Variants in TENM4 observed in about 807,000 individuals in gnomAD.
The protein encoded by TENM4 is teneurin-4.
Under a neutral mutation model 243.3 loss-of-function variants are expected in TENM4, and 82 were observed. The ratio of observed to expected loss-of-function variants is 0.34; its 90% confidence interval spans 0.28 to 0.40. TENM4 has a LOEUF of 0.40. TENM4 is among the 10% of genes least tolerant of loss of function. The pLI is 1.00. For synonymous variants in TENM4, 1,412 were observed against 1,456.3 expected, an observed-to-expected ratio of 0.97 and a Z score of 0.69; for missense variants, 3,138 against 3,673.3, an observed-to-expected ratio of 0.85 and a Z score of 3.77.
chr11:79,066,422 T>G lies in TENM4; in HGVS notation c.224-1415A>C, dbSNP rs187741829. Among the ~76,000 whole-genome samples the G allele has an allele frequency of 2.0e-5, 3 of 152,086 alleles. No individual in the cohort carries two copies. In the East Asian group the frequency reaches 5.8e-4, roughly 30 times the overall value. On this transcript the variant is annotated intron_variant, in intron 5 of 33. Transcript: ENST00000278550. Reference sequence around the variant, plus strand: ...CGAGCCAGCAGAGACGCCATCTTATTATAATGGTGTGTCTCACTCTTACAG... The same window carrying G: ...CGAGCCAGCAGAGACGCCATCTTATGATAATGGTGTGTCTCACTCTTACAG...
At chr11:79,169,992 G>A (rs1472193915) in intron 3 of TENM4, among the ~76,000 whole-genome samples, 1 of 152,174 alleles carries the variant, frequency 6.6e-6, no homozygotes. Context: ...TTTTCTTTCT[G>A]GTGCCTGGGC....
At position 78,927,124 on chromosome 11, in the gene TENM4, TG is replaced by T. The variant is rs1856570501; in HGVS notation, c.494-23602del. 2.0e-5 allele frequency among the ~76,000 whole-genome samples: 3 copies of T among 152,220 alleles called. 1 individual carries two copies. Among genetic ancestry groups the T allele is most frequent in the South Asian group, 4.1e-4 (2 of 4,830 alleles). On this transcript the variant is annotated intron_variant, in intron 6 of 33. Coordinates refer to ENST00000278550, the MANE Select transcript of TENM4 (RefSeq NM_001098816.3). ...AATTCCTTCACATGGATTATTTTGC[TG>T]TATGTTTGGAGCTTGTTTCTGATGA... is the stretch of plus-strand genomic sequence containing the variant.
At chr11:78,785,121 G>C (rs1362374469) in intron 16 of TENM4, among the ~76,000 whole-genome samples, 1 of 151,732 alleles carries the variant, frequency 6.6e-6, no homozygotes, top group African/African-American at 2.4e-5. Flanking sequence ...AGGTTGAAAG[G>C]TTGGTTCATC....
In TENM4 at chr11:78,812,313, G is replaced by C. The variant is rs1042781930; in HGVS notation, c.1787C>G (p.Ser596Cys). The C allele has an allele frequency of 2.6e-6, 4 of 1,550,586 alleles. No homozygotes were observed. The highest frequency in any genetic ancestry group is 3.5e-6 in the Non-Finnish European group (4 of 1,146,040). Reference sequence around the variant, plus strand: ...ATTTCCGCTACAGAGCACGGGGCAGGAGGCTGGGGAGACAGCACCGGAGTC... The same window carrying C: ...ATTTCCGCTACAGAGCACGGGGCAGCAGGCTGGGGAGACAGCACCGGAGTC... ...GFLGPDCGRA[S>C]CPVLCSGNGQ... Residue 596 changes from serine (S) to cysteine (C), a missense_variant, in exon 14 of 34, where the codon TCC (serine) becomes TGC (cysteine). This residue lies in a region of TENM4 where 2,467 missense variants were observed against 3,059.1 expected (regional missense o/e 0.81). Transcript: ENST00000278550.
At chr11:79,285,160 C>T (rs1026406012) in intron 2 of TENM4, among the ~76,000 whole-genome samples, 6 of 152,024 alleles carry the variant, frequency 3.9e-5, no homozygotes, top group Non-Finnish European at 7.4e-5. Flanking sequence ...ATTGCTTTAA[C>T]CTGGGAGGCA....
At chr11:79,025,878 GC>G (rs1859066181) in intron 6 of TENM4, among the ~76,000 whole-genome samples, 1 of 152,198 alleles carries the variant, frequency 6.6e-6, no homozygotes, top group Non-Finnish European at 1.5e-5. Flanking sequence ...CTGTGTGTGT[GC>G]TACGGGGCTG....
chr11:79,128,818 G>T (rs546733507), intron 4 of TENM4, among the ~76,000 whole-genome samples: 15 of 152,178 alleles, frequency 9.9e-5, no homozygotes, highest in African/African-American at 3.1e-4. Flanking sequence ...TGTAGCAAAT[G>T]GTCTGGCTGG....
intron 6 of TENM4, among the ~76,000 whole-genome samples, chr11:79,044,638 C>T (rs1031383495): frequency 1.3e-5 from 2 of 152,154 alleles, no homozygotes; most frequent in African/African-American, 4.8e-5. Flanking sequence ...GGTTCATATC[C>T]TATTACATTC....
chr11:78,745,169 C>T (rs922977150), intron 19 of TENM4, among the ~76,000 whole-genome samples: 1 of 151,676 alleles, frequency 6.6e-6, no homozygotes. Flanking sequence ...TCATAATACA[C>T]AATAATACAC....
intron 12 of TENM4, among the ~76,000 whole-genome samples, chr11:78,829,688 C>CA (rs1857934097): frequency 6.6e-6 from 1 of 152,166 alleles, no homozygotes; most frequent in Non-Finnish European, 1.5e-5. Flanking sequence ...CTCTGTGTCT[C>CA]AGTTTCCTTG....
intron 1 of TENM4, among the ~76,000 whole-genome samples, chr11:79,415,370 T>A (rs1426461429): frequency 6.6e-6 from 1 of 152,190 alleles, no homozygotes; most frequent in Non-Finnish European, 1.5e-5. Context: ...CGTTTACAGG[T>A]GGTTTAGGGT....
intron 2 of TENM4, among the ~76,000 whole-genome samples, chr11:79,247,573 G>A (rs1232300473): frequency 6.6e-6 from 1 of 152,104 alleles, no homozygotes; most frequent in East Asian, 1.9e-4. Context: ...ACCCCGTGTT[G>A]GGAGTTTACC....
rs1858275658 is a variant in TENM4, at chr11:78,669,950, T to A, written c.6395A>T (p.Gln2132Leu). ...KFGVIYYDINQIITTAVMTHT... is the reference protein window; with the variant it reads ...KFGVIYYDINLIITTAVMTHT... The stretch of plus-strand genomic sequence containing the variant: ...GGTCATGACAGCTGTGGTGATGATC[T>A]GGTTAATGTCATAGTAAATGACACC... The change falls in exon 32 of 34, where the codon CAG (glutamine) becomes CTG (leucine). Residue 2132 changes from glutamine to leucine, a missense_variant. This residue lies in a region of TENM4 where 2,467 missense variants were observed against 3,059.1 expected (regional missense o/e 0.81). Coordinates refer to ENST00000278550, the MANE Select transcript of TENM4 (RefSeq NM_001098816.3). This position sits in a 1 kb window ranked among gnomAD's most constrained non-coding sequence, Gnocchi z 6.4. 3 of 1,613,888 alleles carry A rather than the reference T, an allele frequency of 1.9e-6. No homozygotes were observed. Among genetic ancestry groups the A allele is most frequent in the Non-Finnish European group, 2.5e-6 (3 of 1,179,854 alleles).
chr11:79,270,607 T>C (rs527521550), intron 2 of TENM4, among the ~76,000 whole-genome samples: 1 of 152,214 alleles, frequency 6.6e-6, no homozygotes, highest in South Asian at 2.1e-4. Context: ...CCCATCCCAG[T>C]GAACTTTTCA....
At chr11:79,330,151 C>T (rs1857038880) in intron 1 of TENM4, among the ~76,000 whole-genome samples, 1 of 152,146 alleles carries the variant, frequency 6.6e-6, no homozygotes, top group Non-Finnish European at 1.5e-5. Context: ...AGCAACATGG[C>T]ATCACTGAAA....
At chr11:79,276,963 G>A (rs1856067555) in intron 2 of TENM4, among the ~76,000 whole-genome samples, 1 of 151,920 alleles carries the variant, frequency 6.6e-6, no homozygotes, top group South Asian at 2.1e-4. Flanking sequence ...TCCAAATATA[G>A]GTACACCCCC....
intron 2 of TENM4, among the ~76,000 whole-genome samples, chr11:79,225,169 C>G (rs1270785510): frequency 4.6e-5 from 7 of 152,112 alleles, no homozygotes; most frequent in African/African-American, 1.7e-4. Flanking sequence ...AATACGTTTC[C>G]AGTGTTTAAG....
At chr11:78,830,293 C>T (rs1429279699) in intron 12 of TENM4, among the ~76,000 whole-genome samples, 1 of 152,190 alleles carries the variant, frequency 6.6e-6, no homozygotes, top group Non-Finnish European at 1.5e-5. Context: ...GTGCCCATGA[C>T]CAGGGAGGCT....
At chr11:78,878,440 T>A (rs1208068158) in intron 9 of TENM4, among the ~76,000 whole-genome samples, 1 of 152,194 alleles carries the variant, frequency 6.6e-6, no homozygotes, top group African/African-American at 2.4e-5. Context: ...AGAACTGGGT[T>A]CCTGGCTCAG....
Sources: allele counts gnomAD v4.1 joint callset (sites outside exome capture counted in the v4.1 genomes callset), GRCh38; gene constraint gnomAD v4.1.1; regional missense constraint gnomAD v4.1.1; non-coding constraint Gnocchi (gnomAD v3.1); transcripts MANE v1.5; gene names NCBI Gene and HGNC (gene_info 2026-07-23, HGNC 2026-07-21).